The following PRDM5 variants were observed in gnomAD, a reference collection of about 807,000 sequenced individuals.
PRDM5 encodes the protein PR/SET domain 5.
In PRDM5, 56 loss-of-function variants were observed where a neutral mutation model predicts 81.2. That is an observed-to-expected ratio of 0.69 (90% CI 0.56 to 0.86). The LOEUF is 0.86. Among genes scored for constraint, PRDM5 ranks in the 40% least tolerant of loss-of-function variants. PRDM5 has a pLI of 0.00. For missense variants in PRDM5, 697 were observed against 770.1 expected (o/e 0.91, Z 1.12); for synonymous variants, 267 against 256.4 (o/e 1.04, Z -0.39).
intron 12 of PRDM5, among the ~76,000 whole-genome samples, chr4:120,778,355 T>C (rs3804164): frequency 0.2 from 30,220 of 151,990 alleles, 3,649 homozygotes; most frequent in Non-Finnish European, 0.28. Flanking sequence ...GAAAAAGGTT[T>C]TTTTAAATGA....
intron 14 of PRDM5, among the ~76,000 whole-genome samples, chr4:120,747,554 G>A (rs1403577673): frequency 6.6e-6 from 1 of 151,886 alleles, no homozygotes; most frequent in Non-Finnish European, 1.5e-5. Context: ...TGATACCTAG[G>A]AACTCTGAGA....
intron 2 of PRDM5, among the ~76,000 whole-genome samples, chr4:120,902,703 T>A (rs1427176653): frequency 6.6e-6 from 1 of 152,116 alleles, no homozygotes; most frequent in African/African-American, 2.4e-5. Flanking sequence ...TCTGAGGTGA[T>A]CAAGAAGGAT....
intron 2 of PRDM5, among the ~76,000 whole-genome samples, chr4:120,887,786 C>CTTTT (rs773355512): frequency 3.1e-4 from 26 of 85,174 alleles, no homozygotes; most frequent in Non-Finnish European, 3.9e-4. Flanking sequence ...ACATTTTATC[C>CTTTT]TTTTTTTTTT....
intron 3 of PRDM5, chr4:120,837,230 G>A (rs572345045): frequency 5.9e-5 from 9 of 152,334 alleles, no homozygotes; most frequent in Non-Finnish European, 1.2e-4. Context: ...GCCTGCTGAT[G>A]CAAAATTTCA....
intron 2 of PRDM5, among the ~76,000 whole-genome samples, chr4:120,876,016 C>T (rs1032804212): frequency 6.6e-6 from 1 of 152,170 alleles, no homozygotes; most frequent in African/African-American, 2.4e-5. Context: ...AATCTGAGCA[C>T]AATAAAATTT....
intron 8 of PRDM5, among the ~76,000 whole-genome samples, chr4:120,807,767 G>C (rs747829763): frequency 6.6e-6 from 1 of 151,796 alleles, no homozygotes; most frequent in Non-Finnish European, 1.5e-5. Flanking sequence ...TCATGGTCTC[G>C]CTGGCTTCAG....
In PRDM5 at chr4:120,795,870, G is replaced by A. The variant is rs185235702; in HGVS notation, c.1188+2397C>T. On this transcript the variant is annotated intron_variant, in intron 10 of 15. Coordinates refer to ENST00000264808, the MANE Select transcript of PRDM5 (RefSeq NM_018699.4). ...AGAGATTACAGTGAGCCAAGATTGC[G>A]CCACTGCACTCTAGCCTGAGTGACA... Among the ~76,000 whole-genome samples, 330 of 152,228 alleles carry A rather than the reference G, an allele frequency of 2.2e-3. 1 individual carries two copies. Among genetic ancestry groups the A allele is most frequent in the African/African-American group, 7.8e-3 (323 of 41,550 alleles).
At chr4:120,688,175 A>T (rs1161037940), downstream of PRDM5, among the ~76,000 whole-genome samples, 1 of 151,820 alleles carries the variant, frequency 6.6e-6, no homozygotes, top group Non-Finnish European at 1.5e-5. Context: ...TGGCCATTCT[A>T]ATTGGTGTGA....
chr4:120,865,643 A>T (rs575652343), intron 2 of PRDM5, among the ~76,000 whole-genome samples: 20 of 152,272 alleles, frequency 1.3e-4, no homozygotes, highest in African/African-American at 4.8e-4. Context: ...GCTAGCCCAG[A>T]TCTCTGCCAA....
chr4:120,721,525 T>C (rs1233718508), intron 14 of PRDM5, among the ~76,000 whole-genome samples: 6 of 152,198 alleles, frequency 3.9e-5, no homozygotes, highest in African/African-American at 7.2e-5. Context: ...CTCTTTCTAC[T>C]ACTACTATTA....
chr4:120,743,637 C>G (rs1099236), intron 14 of PRDM5, among the ~76,000 whole-genome samples: 5 of 95,836 alleles, frequency 5.2e-5, no homozygotes, highest in East Asian at 2.6e-4. Flanking sequence ...ATCCTAGTCT[C>G]TGATAAAACA....
chr4:120,853,178 AT>A (rs1759483125), intron 3 of PRDM5, among the ~76,000 whole-genome samples: 1 of 152,228 alleles, frequency 6.6e-6, no homozygotes, highest in Non-Finnish European at 1.5e-5. Context: ...GCCAAGGACA[AT>A]ATCAGACTGT....
Position 120,793,566 on chromosome 4 carries a change from T to C in PRDM5, c.1188+4701A>G, listed in dbSNP as rs114413085. On this transcript the variant is annotated intron_variant, in intron 10 of 15. Coordinates refer to ENST00000264808, the MANE Select transcript of PRDM5 (RefSeq NM_018699.4). ...AGCTGGGGACCACTGTAGTATAGCC[T>C]TGTGGCTACATTTAGTAATAATGTA... is the stretch of plus-strand genomic sequence containing the variant. 3.6e-3 allele frequency among the ~76,000 whole-genome samples: 552 copies of C among 152,346 alleles called. 3 individuals carry two copies. Among genetic ancestry groups the C allele is most frequent in the African/African-American group, 0.013 (529 of 41,576 alleles).
At chr4:120,796,853 G>A (rs1751417128) in intron 10 of PRDM5, among the ~76,000 whole-genome samples, 1 of 151,968 alleles carries the variant, frequency 6.6e-6, no homozygotes, top group African/African-American at 2.4e-5. Flanking sequence ...TAATCCCCAT[G>A]GAGTATAATA....
At chr4:120,741,119 A>G (rs1411664671) in intron 14 of PRDM5, among the ~76,000 whole-genome samples, 1 of 152,012 alleles carries the variant, frequency 6.6e-6, no homozygotes, top group Non-Finnish European at 1.5e-5. Flanking sequence ...TCTGTTTCCT[A>G]AGCTTTTTAT....
intron 10 of PRDM5, among the ~76,000 whole-genome samples, chr4:120,796,274 T>C (rs1751335557): frequency 6.6e-6 from 1 of 152,224 alleles, no homozygotes. Context: ...CAATGCCAAA[T>C]ATATGCTAGG....
chr4:120,835,407 T>C (rs1757231014), intron 3 of PRDM5, among the ~76,000 whole-genome samples: 1 of 152,192 alleles, frequency 6.6e-6, no homozygotes, highest in African/African-American at 2.4e-5. Context: ...TGTACACACA[T>C]ATTTGAAAGA....
At chr4:120,737,769 C>T (rs1464704200) in intron 14 of PRDM5, among the ~76,000 whole-genome samples, 2 of 152,330 alleles carry the variant, frequency 1.3e-5, no homozygotes, top group East Asian at 3.9e-4. Flanking sequence ...GATTTGTGTA[C>T]TGCTATAGTC....
chr4:120,726,457 G>A (rs556912246), intron 14 of PRDM5, among the ~76,000 whole-genome samples: 1 of 152,176 alleles, frequency 6.6e-6, no homozygotes, highest in Non-Finnish European at 1.5e-5. Flanking sequence ...TGCCTTCAGA[G>A]AATGTTAACC....
Sources: allele counts gnomAD v4.1 joint callset (sites outside exome capture counted in the v4.1 genomes callset), GRCh38; gene constraint gnomAD v4.1.1; transcripts MANE v1.5; gene names NCBI Gene and HGNC (gene_info 2026-07-23, HGNC 2026-07-21).